CCDC88C: variants seen among roughly 807,000 people sequenced by gnomAD.
CCDC88C encodes protein Daple.
CCDC88C carries 131 observed loss-of-function variants against 198.8 expected under a neutral mutation model. The observed-to-expected ratio is 0.66, with a 90% CI of 0.57 to 0.76. The LOEUF (loss-of-function observed/expected upper bound fraction) is 0.76, where lower values mean the gene tolerates loss of function less well. Ranked by LOEUF, CCDC88C falls within the 30% of genes least tolerant of loss-of-function variation. The pLI is 0.00. For synonymous variants in CCDC88C, 1,166 were observed against 1,114.7 expected (o/e 1.05, Z -0.92); for missense variants, 2,553 against 2,631.6 (o/e 0.97, Z 0.65).
rs544716472 is a variant in CCDC88C at position 91,334,710 on chromosome 14, G to A, written c.1050+3295C>T. 7.2e-5 allele frequency among the ~76,000 whole-genome samples: 11 copies of A among 151,790 alleles called. No individual in the cohort carries two copies. In the East Asian group the frequency reaches 2.1e-3, roughly 29 times the overall value. ...CACTTATTTATTAAAAGCAAACACG[G>A]GCCCATCGAAGTCACCTGTGCATCA... On this transcript the variant is annotated intron_variant, in intron 10 of 29. Transcript: ENST00000389857.
rs573820836 is a variant in CCDC88C at position 91,278,128 on chromosome 14, G to A, written c.4852C>T (p.Arg1618Trp). The A allele has an allele frequency of 6.9e-4, 1,112 of 1,613,288 alleles. 12 individuals carry two copies. In the South Asian group the frequency reaches 7.0e-3, roughly 10 times the overall value. The part of the protein sequence containing the change: ...IPSRDLATLP[R>W]EASTPGRNAL... ...TTGCGTCCCGGTGTGCTGGCTTCCC[G>A]GGGCAAAGTGGCCAGGTCCCTGCTG... is the stretch of plus-strand genomic sequence containing the variant. Residue 1618 changes from arginine (R) to tryptophan (W), a missense_variant, in exon 29 of 30, where the codon CGG becomes TGG. Around this residue, in one of 2 missense-constraint regions of CCDC88C, gnomAD observed 1,293 missense variants for 1,219.6 expected, o/e 1.06. Coordinates refer to ENST00000389857, the MANE Select transcript of CCDC88C (RefSeq NM_001080414.4).
chr14:91,339,549 C>G lies in CCDC88C; in HGVS notation c.625-87G>C. 2 of 1,271,890 alleles carry G rather than the reference C, an allele frequency of 1.6e-6. No individual in the cohort carries two copies. The highest frequency in any genetic ancestry group is 2.2e-6 in the Non-Finnish European group (2 of 924,810). The allele number at this position is 1,271,890 out of a possible 1,614,324, so 78.8% of individuals were successfully genotyped here. ...AGCTTGAACAGGGTGAAGAAACCGC[C>G]AAAAGACAGATATTTCAGCGGAGAC... On this transcript the variant is annotated intron_variant, in intron 7 of 29. Transcript: ENST00000389857. This position sits in a 1 kb window ranked among gnomAD's most constrained non-coding sequence, Gnocchi z 5.8.
intron 10 of CCDC88C, among the ~76,000 whole-genome samples, chr14:91,333,316 T>C (rs948384189): frequency 1.8e-4 from 28 of 152,360 alleles, no homozygotes; most frequent in Admixed American, 1.5e-3. Flanking sequence ...TATTTTAACA[T>C]TAACTCTGCC....
rs1890305990 is a variant in CCDC88C at position 91,284,001 on chromosome 14, A to G, written c.4442-484T>C. Among the ~76,000 whole-genome samples the G allele has an allele frequency of 6.6e-6, 1 of 152,148 alleles. No homozygotes were observed. Among genetic ancestry groups the G allele is most frequent in the South Asian group, 2.1e-4 (1 of 4,828 alleles). On this transcript the variant is annotated intron_variant, in intron 25 of 29. Coordinates refer to ENST00000389857, the MANE Select transcript of CCDC88C (RefSeq NM_001080414.4). This position sits in a 1 kb window ranked among gnomAD's most constrained non-coding sequence, Gnocchi z 4.1. ...AACCTCACAATATTCTGTTTTTTCA[A>G]AAAGGGAAGCCTTAATCTCTGCATG...
rs116303345 is a variant in CCDC88C at position 91,329,804 on chromosome 14, G to C, written c.1051-3748C>G. Among the ~76,000 whole-genome samples the C allele has an allele frequency of 5.2e-3, 790 of 152,346 alleles. 8 individuals are homozygous for C. The highest frequency in any genetic ancestry group is 0.018 in the African/African-American group (740 of 41,576). On this transcript the variant is annotated intron_variant, in intron 10 of 29. Transcript: ENST00000389857. ...TAGGGCCTGACATCATTCCCAGCAG[G>C]TGGGGAAAGCTCCACAGATACACAA...
rs772408330 is a variant in CCDC88C at position 91,313,046 on chromosome 14, A to G, written c.2736+34T>C. 1 of 1,508,724 alleles carries G rather than the reference A, an allele frequency of 6.6e-7. No individual in the cohort carries two copies. Among genetic ancestry groups the G allele is most frequent in the Admixed American group, 1.9e-5 (1 of 51,554 alleles). The allele number at this position is 1,508,724 out of a possible 1,614,324, so 93.5% of individuals were successfully genotyped here. On this transcript the variant is annotated intron_variant, in intron 15 of 29. Transcript: ENST00000389857. The surrounding 1 kb of genome is among the most constrained non-coding windows in gnomAD (Gnocchi z 5.2). ...ACAGAACCCACTACCACCATCTGCC[A>G]ATCCCCTTACAGGCGCCGCCTGTGT...
At chr14:91,277,291 G>C (rs1206014878) in intron 29 of CCDC88C, among the ~76,000 whole-genome samples, 2 of 152,230 alleles carry the variant, frequency 1.3e-5, no homozygotes, top group Admixed American at 1.3e-4. Flanking sequence ...TGGGATTACA[G>C]GCGTGAGCCA....
chr14:91,335,591 ATGGTGT>A lies in CCDC88C; in HGVS notation c.1050+2408_1050+2413del, dbSNP rs142739392. Among the ~76,000 whole-genome samples, 1,360 of 152,160 alleles carry A rather than the reference ATGGTGT, an allele frequency of 8.9e-3. 21 individuals carry two copies. The highest frequency in any genetic ancestry group is 0.022 in the East Asian group (113 of 5,170). On this transcript the variant is annotated intron_variant, in intron 10 of 29. Coordinates refer to ENST00000389857, the MANE Select transcript of CCDC88C (RefSeq NM_001080414.4). ...CTCTGTGACCCCCAGCACAGCACTG[ATGGTGT>A]TGCATCCTAACCATGTGCTGCCTGC... is the stretch of plus-strand genomic sequence containing the variant.
intron 4 of CCDC88C, among the ~76,000 whole-genome samples, chr14:91,357,220 C>T (rs1219564675): frequency 6.6e-6 from 1 of 152,188 alleles, no homozygotes; most frequent in Non-Finnish European, 1.5e-5. Flanking sequence ...GCAGCCACAC[C>T]ACAGAAGCAC....
intron 3 of CCDC88C, among the ~76,000 whole-genome samples, chr14:91,399,788 G>A (rs1163161380): frequency 2.7e-5 from 4 of 148,192 alleles, no homozygotes; most frequent in African/African-American, 7.5e-5. Context: ...GCAGTGAGCC[G>A]AGATCGCGCC....
chr14:91,272,324 T>G lies in CCDC88C; in HGVS notation c.*301A>C. 2.4e-6 allele frequency: 1 copy of G among 410,924 alleles called. No homozygotes were observed. Among genetic ancestry groups the G allele is most frequent in the Non-Finnish European group, 4.4e-6 (1 of 226,216 alleles). The allele number at this position is 410,924 out of a possible 1,614,324, so 25.5% of individuals were successfully genotyped here. On this transcript the variant is annotated 3_prime_UTR_variant, in exon 30 of 30. Coordinates refer to ENST00000389857, the MANE Select transcript of CCDC88C (RefSeq NM_001080414.4). Reference sequence around the variant, plus strand: ...GGACATACTGGAGTAGTGTCTGCTTTGGGGGAAGTCAGTTTGTCATTGCAT... The same window carrying G: ...GGACATACTGGAGTAGTGTCTGCTTGGGGGGAAGTCAGTTTGTCATTGCAT...
rs777725454 is a variant in CCDC88C at position 91,408,649 on chromosome 14, C to G, written c.270+10G>C. ...CACATCAGAATTCCCGACAGCAGAACTGCCCTTACCTGGTAGTAGGTCTTA... is the reference window on the plus strand; with the variant it reads ...CACATCAGAATTCCCGACAGCAGAAGTGCCCTTACCTGGTAGTAGGTCTTA... On this transcript the variant is annotated intron_variant, in intron 3 of 29. Transcript: ENST00000389857. 6.5e-7 allele frequency: 1 copy of G among 1,533,298 alleles called. No individual in the cohort carries two copies. The highest frequency in any genetic ancestry group is 1.1e-5 in the South Asian group (1 of 89,322). 95.0% of individuals were successfully genotyped at this position (1,533,298 alleles called of 1,614,324 possible).
In CCDC88C at chr14:91,287,435, C is replaced by T. The variant is rs369213097; in HGVS notation, c.4441+1670G>A. On this transcript the variant is annotated intron_variant, in intron 25 of 29. Coordinates refer to ENST00000389857, the MANE Select transcript of CCDC88C (RefSeq NM_001080414.4). ...GTATGACCATAGCTCGCTGCAGCCACGACCTCCTGGGCTCAAGTCGACTGA... is the reference window on the plus strand; with the variant it reads ...GTATGACCATAGCTCGCTGCAGCCATGACCTCCTGGGCTCAAGTCGACTGA... 1.1e-4 allele frequency among the ~76,000 whole-genome samples: 17 copies of T among 152,206 alleles called. No homozygotes were observed. The East Asian group carries it at 1.4e-3, about 12-fold the overall frequency.
intron 25 of CCDC88C, among the ~76,000 whole-genome samples, chr14:91,287,782 C>A (rs192012981): frequency 2.0e-5 from 3 of 152,124 alleles, no homozygotes; most frequent in Admixed American, 2.0e-4. Flanking sequence ...CCTCCAAGAC[C>A]CCATGGGTCT....
chr14:91,378,052 G>A (rs1453265534), intron 3 of CCDC88C, among the ~76,000 whole-genome samples: 1 of 152,232 alleles, frequency 6.6e-6, no homozygotes, highest in Non-Finnish European at 1.5e-5. Context: ...CATTAGAGGA[G>A]ATAAAACATG....
intron 10 of CCDC88C, among the ~76,000 whole-genome samples, chr14:91,330,515 G>A (rs912665501): frequency 4.6e-5 from 7 of 152,204 alleles, no homozygotes; most frequent in African/African-American, 7.2e-5. Context: ...TAACATGAGC[G>A]AGGATGCCAG....
intron 21 of CCDC88C, among the ~76,000 whole-genome samples, chr14:91,299,042 A>G (rs1891156814): frequency 6.6e-6 from 1 of 152,254 alleles, no homozygotes; most frequent in Non-Finnish European, 1.5e-5. Flanking sequence ...AAGTTGCTGT[A>G]AACACTGAAT....
intron 3 of CCDC88C, among the ~76,000 whole-genome samples, chr14:91,394,546 A>G (rs1336931464): frequency 6.6e-6 from 1 of 152,202 alleles, no homozygotes; most frequent in African/African-American, 2.4e-5. Context: ...GTAATGACTT[A>G]TTCTCTGAAT....
chr14:91,322,498 G>A (rs1336202260), intron 12 of CCDC88C, among the ~76,000 whole-genome samples: 2 of 152,258 alleles, frequency 1.3e-5, no homozygotes, highest in South Asian at 4.2e-4. Flanking sequence ...ATACAAGGAC[G>A]CTTGGAGGGC....
Sources: allele counts gnomAD v4.1 joint callset (sites outside exome capture counted in the v4.1 genomes callset), GRCh38; gene constraint gnomAD v4.1.1; regional missense constraint gnomAD v4.1.1; non-coding constraint Gnocchi (gnomAD v3.1); transcripts MANE v1.5; gene names NCBI Gene and HGNC (gene_info 2026-07-23, HGNC 2026-07-21).